MAPK8IP3: variants seen among roughly 807,000 people sequenced by gnomAD.
The protein encoded by MAPK8IP3 is mitogen-activated protein kinase 8 interacting protein 3, also known as C-Jun-amino-terminal kinase-interacting protein 3.
Under a neutral mutation model 157.8 loss-of-function variants are expected in MAPK8IP3, and 49 were observed. The ratio of observed to expected loss-of-function variants is 0.31; its 90% CI spans 0.25 to 0.39. MAPK8IP3 has a LOEUF of 0.39. Ranked by LOEUF, MAPK8IP3 falls within the 10% of genes least tolerant of loss-of-function variation. The pLI, the probability that MAPK8IP3 is intolerant of heterozygous loss-of-function variation, is 1.00. For missense variants in MAPK8IP3, 1,478 were observed against 1,889.4 expected (o/e 0.78, Z 4.04); for synonymous variants, 897 against 777.7 (o/e 1.15, Z -2.55).
intron 12 of MAPK8IP3, 103 bp from the exon 13 acceptor site, chr16:1,761,121 G>T (rs928815437): frequency 2.2e-6 from 2 of 918,924 alleles, no homozygotes; most frequent in Non-Finnish European, 3.6e-6. Context: ...CCCCAGCCCT[G>T]CACAGAGGCA....
intron 4 of MAPK8IP3, among the ~76,000 whole-genome samples, chr16:1,740,192 G>C (rs1299397487): frequency 8.9e-6 from 1 of 111,878 alleles, no homozygotes; most frequent in Non-Finnish European, 1.8e-5. Flanking sequence ...GTTCGTGTGA[G>C]TGTGTGACCG....
intron 8 of MAPK8IP3, among the ~76,000 whole-genome samples, chr16:1,753,421 C>G (rs2041407841): frequency 6.6e-6 from 1 of 151,822 alleles, no homozygotes; most frequent in Non-Finnish European, 1.5e-5. Context: ...TGCACCCAGC[C>G]CACATACCAT....
At chr16:1,728,108 G>A (rs2039016063) in intron 2 of MAPK8IP3, among the ~76,000 whole-genome samples, 1 of 152,222 alleles carries the variant, frequency 6.6e-6, no homozygotes, top group Non-Finnish European at 1.5e-5. Context: ...TCAGGCCGGG[G>A]GCACGCATGC....
intron 4 of MAPK8IP3, chr16:1,734,879 A>T (rs1281423468): frequency 2.8e-5 from 4 of 141,898 alleles, no homozygotes; most frequent in Non-Finnish European, 3.0e-5. Context: ...TGGCTTAGTG[A>T]GTGTGTGTCT....
intron 4 of MAPK8IP3, among the ~76,000 whole-genome samples, chr16:1,736,244 G>T (rs1265137144): frequency 2.0e-5 from 2 of 99,686 alleles, no homozygotes; most frequent in African/African-American, 7.9e-5. Flanking sequence ...ATCCGTGTGA[G>T]CGTGTGACTG....
At chr16:1,736,504 G>A (rs1377808982) in intron 4 of MAPK8IP3, among the ~76,000 whole-genome samples, 5 of 57,738 alleles carry the variant, frequency 8.7e-5, no homozygotes, top group Non-Finnish European at 1.2e-4. Flanking sequence ...CCGTGTGAGC[G>A]TGTGACCGTC....
chr16:1,767,787 G>T lies in MAPK8IP3; in HGVS notation c.3410-18G>T. 1 of 1,611,410 alleles carries T rather than the reference G, an allele frequency of 6.2e-7. No homozygotes were observed. The highest frequency in any genetic ancestry group is 1.1e-5 in the South Asian group (1 of 91,054). On this transcript the variant is annotated intron_variant, in intron 27 of 31. Coordinates refer to ENST00000610761, the MANE Select transcript of MAPK8IP3 (RefSeq NM_001318852.2). ...TGGGGTGCTCAAGGCCAGCCACCCT[G>T]ACCGCTCTCCCCCACAGGCACTGGC...
chr16:1,753,467 G>A (rs886288037), intron 8 of MAPK8IP3, among the ~76,000 whole-genome samples: 2 of 151,074 alleles, frequency 1.3e-5, no homozygotes, highest in Admixed American at 6.6e-5. Context: ...TTGAGACGGA[G>A]TCTTGCTCTG....
chr16:1,759,074 G>T (rs572894141), intron 10 of MAPK8IP3, 79 bp downstream of exon 10: 24 of 1,583,482 alleles, frequency 1.5e-5, no homozygotes, highest in Non-Finnish European at 1.9e-5. Context: ...CGTTTGCTTT[G>T]TTCTGCATGA....
rs1388136901 is a variant in MAPK8IP3 at position 1,743,309 on chromosome 16, T to C, written c.603-23T>C. 2 of 1,535,658 alleles carry C rather than the reference T, an allele frequency of 1.3e-6. No homozygotes were observed. The highest frequency in any genetic ancestry group is 1.7e-6 in the Non-Finnish European group (2 of 1,149,616). ...CGGCCACCCTCTAACCATCGCTTCCTCTCCTCTCGCCCCCCATTTCAGCAG... is the reference window on the plus strand; with the variant it reads ...CGGCCACCCTCTAACCATCGCTTCCCCTCCTCTCGCCCCCCATTTCAGCAG... On this transcript the variant is annotated intron_variant, in intron 4 of 31. Transcript: ENST00000610761. This position sits in a 1 kb window ranked among gnomAD's most constrained non-coding sequence, Gnocchi z 5.6.
At position 1,729,067 on chromosome 16, in the gene MAPK8IP3, G is replaced by A. The variant is rs1200022316; in HGVS notation, c.440-71G>A. 1.8e-5 allele frequency: 26 copies of A among 1,451,428 alleles called. No individual in the cohort carries two copies. In the East Asian group the frequency reaches 5.5e-4, roughly 30 times the overall value. The allele number at this position is 1,451,428 out of a possible 1,614,324, so 89.9% of individuals were successfully genotyped here. A position where few individuals can be genotyped will look rare whatever the true frequency, so the allele number is the denominator to read the frequency against. On this transcript the variant is annotated intron_variant, in intron 2 of 31. Coordinates refer to ENST00000610761, the MANE Select transcript of MAPK8IP3 (RefSeq NM_001318852.2). ...TTGTCCTGGAACCCCCTCCCTCTGT[G>A]GTTACAACCCAAGAGTTCAGGGCCA...
At chr16:1,726,159 C>T (rs556674248) in intron 2 of MAPK8IP3, among the ~76,000 whole-genome samples, 1 of 152,366 alleles carries the variant, frequency 6.6e-6, no homozygotes, top group African/African-American at 2.4e-5. Context: ...CAATGACCTG[C>T]TGACGAGTCT....
intron 1 of MAPK8IP3, among the ~76,000 whole-genome samples, chr16:1,722,177 G>A (rs868299337): frequency 2.0e-5 from 3 of 152,058 alleles, no homozygotes; most frequent in Non-Finnish European, 2.9e-5. Flanking sequence ...TTTTTGTACC[G>A]CCGCACAAAA....
chr16:1,756,561 T>C (rs929242800), intron 8 of MAPK8IP3, among the ~76,000 whole-genome samples: 10 of 151,222 alleles, frequency 6.6e-5, no homozygotes, highest in East Asian at 3.9e-4. Flanking sequence ...GGTGGGCAGA[T>C]TGCTTGAGCC....
rs907639773 is a variant in MAPK8IP3, at chr16:1,766,966, G to C, written c.3083G>C (p.Gly1028Ala). The C allele has an allele frequency of 6.9e-6, 11 of 1,587,316 alleles. No individual in the cohort carries two copies. In the Admixed American group the frequency reaches 1.2e-4, roughly 17 times the overall value. The change falls in exon 25 of 32, where the codon GGT (glycine) becomes GCT (alanine). Residue 1028 changes from glycine to alanine, a missense_variant. Gly to Ala is a moderately conservative substitution (Grantham distance 60, BLOSUM62 0). Transcript: ENST00000610761. The stretch of plus-strand genomic sequence containing the variant: ...GGGACCCTGGCCATCTTCCACCGTG[G>C]TGAAGGTGGGGCCTGGCAGCACGGG... ...ADGTLAIFHR[G>A]EDGQWDLSNY...
At chr16:1,746,785 C>A in intron 5 of MAPK8IP3, 1 of 556,438 alleles carries the variant, frequency 1.8e-6, no homozygotes, top group Non-Finnish European at 3.2e-6. Context: ...CGTTCCAAGC[C>A]ATTTCAGGAG....
chr16:1,729,041 C>T, intron 2 of MAPK8IP3, 97 bp from the exon 3 acceptor site: 2 of 1,219,942 alleles, frequency 1.6e-6, no homozygotes, highest in Middle Eastern at 1.9e-4. Context: ...GAGTCCCAGC[C>T]TTGTCCTGGA....
intron 1 of MAPK8IP3, among the ~76,000 whole-genome samples, chr16:1,709,494 AG>A (rs2037619401): frequency 6.6e-6 from 1 of 152,278 alleles, no homozygotes; most frequent in Non-Finnish European, 1.5e-5. Context: ...TAGCAGAGTC[AG>A]GGCAGAACCC....
At chr16:1,730,268 T>G (rs1438510960) in intron 4 of MAPK8IP3, among the ~76,000 whole-genome samples, 1 of 151,242 alleles carries the variant, frequency 6.6e-6, no homozygotes, top group Non-Finnish European at 1.5e-5. Flanking sequence ...TCTAAAAAAA[T>G]AAAAAAAGAA....
Sources: gnomAD v4.1 joint callset for allele counts (sites outside exome capture counted in the v4.1 genomes callset) on GRCh38, gnomAD v4.1.1 for gene constraint, Gnocchi (gnomAD v3.1) non-coding constraint, MANE v1.5 for transcripts, NCBI Gene and HGNC (gene_info 2026-07-23, HGNC 2026-07-21) for gene names.